The following LRP8 variants were observed in gnomAD, a reference collection of about 807,000 sequenced individuals.
LRP8 encodes the protein LDL receptor related protein 8.
A neutral mutation model predicts 111.6 loss-of-function variants in LRP8; 46 were observed. The ratio of observed to expected loss-of-function variants is 0.41; its 90% confidence interval spans 0.33 to 0.53. LRP8 has a LOEUF of 0.53. Among genes scored for constraint, LRP8 ranks in the 20% least tolerant of loss-of-function variants. The probability of loss-of-function intolerance (pLI) is 0.20; values close to 1 mark genes in which losing one functional copy is unlikely to be tolerated. For missense variants in LRP8, 959 were observed against 1,297.4 expected, an observed-to-expected ratio of 0.74 and a Z score of 4.01; for synonymous variants, 464 against 511.2, an observed-to-expected ratio of 0.91 and a Z score of 1.24.
chr1:53,283,410 GCATACCCGGGCCACTTACTTACTA>G lies in LRP8; in HGVS notation c.368-2719_368-2696del, dbSNP rs1557799761. 3.3e-3 allele frequency among the ~76,000 whole-genome samples: 484 copies of G among 145,360 alleles called. 37 individuals are homozygous for G. The highest frequency in any genetic ancestry group is 0.013 in the Admixed American group (186 of 14,174). ...ATTCACAAAGGTCATCACATAAGTG[GCATACCCGGGCCACTTACTTACTA>G]CATACCCGGGCCACTTACTTACTAC... On this transcript the variant is annotated intron_variant, in intron 3 of 18. Coordinates refer to ENST00000306052, the MANE Select transcript of LRP8 (RefSeq NM_004631.5).
intron 2 of LRP8, among the ~76,000 whole-genome samples, chr1:53,290,078 A>T (rs1255130168): frequency 2.7e-5 from 4 of 150,300 alleles, no homozygotes; most frequent in African/African-American, 9.7e-5. Context: ...CCCCAACTGG[A>T]CTGGAAGTCA....
intron 16 of LRP8, among the ~76,000 whole-genome samples, chr1:53,251,996 C>T (rs1645911990): frequency 6.9e-6 from 1 of 145,308 alleles, no homozygotes; most frequent in Non-Finnish European, 1.5e-5. Context: ...GAGCCACAAT[C>T]ATGCCACTGC....
chr1:53,327,258 C>T lies in LRP8; in HGVS notation c.125-266G>A, dbSNP rs1312598026. On this transcript the variant is annotated intron_variant, in intron 1 of 18. Transcript: ENST00000306052. ...ATACCCTCCATTCAGACGCACTCAC[C>T]CGCACACGCGACCCATAGTCAGAGA... 53 of 492,338 alleles carry T rather than the reference C, an allele frequency of 1.1e-4. No homozygotes were observed. In the East Asian group the frequency reaches 1.8e-3, roughly 17 times the overall value. 30.5% of individuals were successfully genotyped at this position (492,338 alleles called of 1,614,324 possible). A position where few individuals can be genotyped will look rare whatever the true frequency, so the allele number is the denominator to read the frequency against.
At position 53,257,297 on chromosome 1, in the gene LRP8, C is replaced by T. The variant is rs1299324432; in HGVS notation, c.2377G>A (p.Ala793Thr). 1 of 1,614,128 alleles carries T rather than the reference C, an allele frequency of 6.2e-7. No individual in the cohort carries two copies. The highest frequency in any genetic ancestry group is 1.1e-5 in the South Asian group (1 of 91,076). Residue 793 changes from alanine to threonine, a missense_variant, in exon 15 of 19, where the codon GCT becomes ACT. Transcript: ENST00000306052. ...AGGGTAGACGGGCTGATGCTGGGAGCCCTGGGGACACTAACTGAGCTTGGG... is the reference window on the plus strand; with the variant it reads ...AGGGTAGACGGGCTGATGCTGGGAGTCCTGGGGACACTAACTGAGCTTGGG... ...AVPSSVSVPR[A>T]PSISPSTLSP...
intron 2 of LRP8, among the ~76,000 whole-genome samples, chr1:53,308,155 G>C (rs1012374961): frequency 6.6e-6 from 1 of 152,222 alleles, no homozygotes; most frequent in African/African-American, 2.4e-5. Flanking sequence ...AGGTGGGCTC[G>C]GGGCTGCACA....
At position 53,244,493 on chromosome 1, in the gene LRP8, G is replaced by A. The variant is rs557281915; in HGVS notation, c.*2525C>T. ...GGGGAAGGTGGATCTGACTCCTCAG[G>A]TTTCATCTTATTTACTGCCGTCCAA... On this transcript the variant is annotated 3_prime_UTR_variant, in exon 19 of 19. Transcript: ENST00000306052. 46 of 152,316 alleles carry A rather than the reference G, an allele frequency of 3.0e-4. No homozygotes were observed. The highest frequency in any genetic ancestry group is 1.1e-3 in the African/African-American group (46 of 41,556). The allele number at this position is 152,316 out of a possible 1,614,324, so 9.4% of individuals were successfully genotyped here.
chr1:53,324,461 T>C (rs926531050), intron 2 of LRP8, among the ~76,000 whole-genome samples: 1 of 152,176 alleles, frequency 6.6e-6, no homozygotes, highest in Non-Finnish European at 1.5e-5. Flanking sequence ...CCTGTGTGTC[T>C]ATGTGCACAG....
chr1:53,327,503 C>G (rs985801770), intron 1 of LRP8: 63 of 341,072 alleles, frequency 1.8e-4, no homozygotes, highest in Non-Finnish European at 2.9e-4. Flanking sequence ...CACAGCTCAT[C>G]CGGAACCATG....
Position 53,293,622 on chromosome 1 carries a change from G to A in LRP8, c.245-3933C>T, listed in dbSNP as rs1028548551. ...TCAGTGTTACCAGGCTAAGAATGAG[G>A]ACCCCAGAGAGTCCTCAAATGTACT... On this transcript the variant is annotated intron_variant, in intron 2 of 18. Transcript: ENST00000306052. The surrounding 1 kb of genome is among the most constrained non-coding windows in gnomAD (Gnocchi z 4.9). Among the ~76,000 whole-genome samples the A allele has an allele frequency of 6.6e-6, 1 of 152,194 alleles. No homozygotes were observed. Among genetic ancestry groups the A allele is most frequent in the East Asian group, 1.9e-4 (1 of 5,198 alleles).
rs367900702 is a variant in LRP8, at chr1:53,275,797, G to T, written c.884-44C>A. 9.4e-6 allele frequency: 15 copies of T among 1,600,770 alleles called. No individual in the cohort carries two copies. Among genetic ancestry groups the T allele is most frequent in the Middle Eastern group, 1.7e-4 (1 of 5,852 alleles). On this transcript the variant is annotated intron_variant, in intron 5 of 18. Transcript: ENST00000306052. This position sits in a 1 kb window ranked among gnomAD's most constrained non-coding sequence, Gnocchi z 4.4. Reference sequence around the variant, plus strand: ...GGGAGAGGATCAGAGTCAGTGTGGTGCTAGGACAATTTCCCCACCACCCCA... The same window carrying T: ...GGGAGAGGATCAGAGTCAGTGTGGTTCTAGGACAATTTCCCCACCACCCCA...
chr1:53,300,913 T>A (rs1244791978), intron 2 of LRP8, among the ~76,000 whole-genome samples: 1 of 152,120 alleles, frequency 6.6e-6, no homozygotes, highest in Non-Finnish European at 1.5e-5. Context: ...TGCCTCAGCC[T>A]CCTCACCTAG....
rs568747464 is a variant in LRP8, at chr1:53,279,744, C to T, written c.496+843G>A. Among the ~76,000 whole-genome samples the T allele has an allele frequency of 2.6e-5, 4 of 152,188 alleles. No homozygotes were observed. The highest frequency in any genetic ancestry group is 4.8e-5 in the African/African-American group (2 of 41,442). ...TGGCAAGCCCTCCAGGGTGACCGCC[C>T]GTATTTCAGCCCAGCCGCACAGCCT... is the stretch of plus-strand genomic sequence containing the variant. On this transcript the variant is annotated intron_variant, in intron 4 of 18. Transcript: ENST00000306052. The surrounding 1 kb of genome is among the most constrained non-coding windows in gnomAD (Gnocchi z 4.4).
intron 4 of LRP8, among the ~76,000 whole-genome samples, chr1:53,277,804 C>A (rs1646976354): frequency 6.6e-6 from 1 of 152,346 alleles, no homozygotes; most frequent in East Asian, 1.9e-4. Context: ...GCCCCTCAGT[C>A]GCGCAGGCGT....
intron 2 of LRP8, among the ~76,000 whole-genome samples, chr1:53,309,417 G>A (rs1193565371): frequency 6.6e-6 from 1 of 152,208 alleles, no homozygotes; most frequent in Non-Finnish European, 1.5e-5. Context: ...CTTTGAGGTA[G>A]GGCCTGCCAA....
intron 16 of LRP8, among the ~76,000 whole-genome samples, chr1:53,253,709 A>C (rs1645974563): frequency 6.6e-6 from 1 of 152,198 alleles, no homozygotes; most frequent in South Asian, 2.1e-4. Context: ...TCACCTCACC[A>C]TCATCTTTCC....
At chr1:53,272,572 C>T (rs989237802) in intron 6 of LRP8, 5 of 1,291,274 alleles carry the variant, frequency 3.9e-6, no homozygotes, top group Admixed American at 4.6e-5. Flanking sequence ...CCACTTCCAG[C>T]CTGAGCCATG....
At chr1:53,259,796 G>A (rs1009311952) in intron 13 of LRP8, among the ~76,000 whole-genome samples, 4 of 152,090 alleles carry the variant, frequency 2.6e-5, no homozygotes, top group African/African-American at 7.2e-5. Context: ...CCATAAGCCC[G>A]CGGTTTTTAT....
At chr1:53,272,171 T>C (rs896572483) in intron 6 of LRP8, among the ~76,000 whole-genome samples, 4 of 152,064 alleles carry the variant, frequency 2.6e-5, no homozygotes, top group African/African-American at 9.7e-5. Context: ...GTTTTTTAAC[T>C]CCTCTCCTCT....
chr1:53,265,078 C>T (rs1028375751), intron 9 of LRP8, among the ~76,000 whole-genome samples: 1 of 151,948 alleles, frequency 6.6e-6, no homozygotes, highest in Non-Finnish European at 1.5e-5. Flanking sequence ...GTTAGGAGGA[C>T]GTTACAGCAT....
Sources: allele counts gnomAD v4.1 joint callset (sites outside exome capture counted in the v4.1 genomes callset), GRCh38; gene constraint gnomAD v4.1.1; non-coding constraint Gnocchi (gnomAD v3.1); transcripts MANE v1.5; gene names NCBI Gene and HGNC (gene_info 2026-07-23, HGNC 2026-07-21).